The following L3MBTL4 variants were observed in gnomAD, a reference collection of about 807,000 sequenced individuals.
L3MBTL4 encodes L3MBTL histone methyl-lysine binding protein 4, also known as lethal(3)malignant brain tumor-like protein 4.
In L3MBTL4, 70 loss-of-function variants were observed where a neutral mutation model predicts 84.5. The ratio of observed to expected loss-of-function variants is 0.83; its 90% CI spans 0.68 to 1.01. L3MBTL4 has a LOEUF of 1.01. Among genes scored for constraint, L3MBTL4 ranks in the 50% least tolerant of loss-of-function variants. The pLI is 0.00. For missense variants in L3MBTL4, 715 were observed against 754.8 expected, an observed-to-expected ratio of 0.95 and a Z score of 0.62; for synonymous variants, 274 against 259.8, an observed-to-expected ratio of 1.05 and a Z score of -0.52.
At chr18:5,978,327 C>T (rs989106102) in intron 16 of L3MBTL4, among the ~76,000 whole-genome samples, 1 of 152,298 alleles carries the variant, frequency 6.6e-6, no homozygotes, top group South Asian at 2.1e-4. Context: ...ATAGGTTAGT[C>T]ATCCAATACA....
intron 16 of L3MBTL4, among the ~76,000 whole-genome samples, chr18:6,072,590 C>T (rs1205455507): frequency 6.6e-6 from 1 of 151,206 alleles, no homozygotes; most frequent in Non-Finnish European, 1.5e-5. Flanking sequence ...CTTGTAATCC[C>T]AGCACTCTGG....
At chr18:6,001,294 G>A (rs1046214604) in intron 16 of L3MBTL4, among the ~76,000 whole-genome samples, 14 of 152,308 alleles carry the variant, frequency 9.2e-5, no homozygotes, top group Admixed American at 7.2e-4. Context: ...CTTCTGGGGA[G>A]CCAAACATTT....
chr18:6,412,229 C>T (rs923444142), intron 1 of L3MBTL4, among the ~76,000 whole-genome samples: 2 of 152,084 alleles, frequency 1.3e-5, no homozygotes, highest in African/African-American at 2.4e-5. Context: ...TAAGTGAGAA[C>T]GTGCAGTCTT....
intron 16 of L3MBTL4, among the ~76,000 whole-genome samples, chr18:6,007,090 C>T (rs975196086): frequency 2.0e-5 from 3 of 152,008 alleles, no homozygotes; most frequent in African/African-American, 7.2e-5. Flanking sequence ...ACAAGGGCAA[C>T]TGAAGCCTAA....
intron 3 of L3MBTL4, among the ~76,000 whole-genome samples, chr18:6,306,343 T>C (rs905280601): frequency 6.6e-5 from 10 of 152,194 alleles, no homozygotes; most frequent in Non-Finnish European, 1.5e-4. Context: ...TACTTGATAA[T>C]ATAGCTACAG....
At chr18:6,327,945 G>C (rs1035507776) in intron 1 of L3MBTL4, among the ~76,000 whole-genome samples, 6 of 152,140 alleles carry the variant, frequency 3.9e-5, no homozygotes, top group Non-Finnish European at 7.4e-5. Context: ...GCAATCATTT[G>C]CTCAGAACCT....
rs201899062 is a variant in L3MBTL4 at position 6,263,971 on chromosome 18, T to G, written c.195A>C (p.Ala65=). The G allele has an allele frequency of 1.5e-5, 25 of 1,613,882 alleles. No homozygotes were observed. In the South Asian group the frequency reaches 2.6e-4, roughly 17 times the overall value. The change falls in exon 5 of 19, where the codon GCA becomes GCC. Residue 65 remains alanine, a synonymous_variant. Coordinates refer to ENST00000317931, the MANE Select transcript of L3MBTL4 (RefSeq NM_001330559.2). ...CCTTGGAAAACAGCTCAACAGGTGC[T>G]GCGACAGCCTTCTGTTCTTTCAAGT... ...EWYLKEQKAV[A]APVELFSKDQ...
At chr18:6,261,976 G>A (rs1242794289) in intron 5 of L3MBTL4, among the ~76,000 whole-genome samples, 1 of 152,108 alleles carries the variant, frequency 6.6e-6, no homozygotes, top group South Asian at 2.1e-4. Context: ...AGAGTGGGGG[G>A]GTGGGGTGTA....
intron 1 of L3MBTL4, among the ~76,000 whole-genome samples, chr18:6,412,905 T>A (rs2056027858): frequency 6.6e-6 from 1 of 151,358 alleles, no homozygotes; most frequent in Non-Finnish European, 1.5e-5. Flanking sequence ...GAAAGTTAAA[T>A]GAGTTTCCGT....
chr18:6,164,087 C>T (rs886219945), intron 13 of L3MBTL4, among the ~76,000 whole-genome samples: 1 of 152,216 alleles, frequency 6.6e-6, no homozygotes, highest in Non-Finnish European at 1.5e-5. Context: ...TCATTGCTAG[C>T]ACAGCAGTCT....
intron 4 of L3MBTL4, among the ~76,000 whole-genome samples, chr18:6,299,690 T>C (rs969886230): frequency 2.6e-5 from 4 of 152,142 alleles, no homozygotes; most frequent in African/African-American, 7.2e-5. Flanking sequence ...TTTTTTTATA[T>C]ACAGGGTCTC....
At chr18:6,024,535 A>G (rs2055416924) in intron 16 of L3MBTL4, among the ~76,000 whole-genome samples, 1 of 152,208 alleles carries the variant, frequency 6.6e-6, no homozygotes, top group African/African-American at 2.4e-5. Flanking sequence ...TATAGTCACT[A>G]AAGCCCACAA....
intron 18 of L3MBTL4, among the ~76,000 whole-genome samples, chr18:5,958,160 CAA>C (rs2095243678): frequency 1.1e-4 from 6 of 55,474 alleles, no homozygotes; most frequent in African/African-American, 3.4e-4. Context: ...AGAAGAAGAA[CAA>C]GAAGAAGAAG....
intron 13 of L3MBTL4, among the ~76,000 whole-genome samples, chr18:6,138,807 C>T (rs1235787986): frequency 6.6e-6 from 1 of 152,176 alleles, no homozygotes; most frequent in African/African-American, 2.4e-5. Flanking sequence ...CCACCTCAGC[C>T]TCCCAAAGTA....
chr18:6,349,289 C>T (rs1396174624), intron 1 of L3MBTL4, among the ~76,000 whole-genome samples: 1 of 152,178 alleles, frequency 6.6e-6, no homozygotes, highest in African/African-American at 2.4e-5. Context: ...ATAATCAAAA[C>T]ATCCATTTAT....
chr18:6,185,328 C>T (rs1344619560), intron 12 of L3MBTL4, among the ~76,000 whole-genome samples: 1 of 152,210 alleles, frequency 6.6e-6, no homozygotes, highest in African/African-American at 2.4e-5. Flanking sequence ...CTCCCTTCTC[C>T]CCTCCAGATC....
At chr18:6,247,642 C>G (rs1012163904) in intron 5 of L3MBTL4, among the ~76,000 whole-genome samples, 117 of 143,916 alleles carry the variant, frequency 8.1e-4, no homozygotes, top group African/African-American at 3.1e-3. Context: ...CCATGCCCGG[C>G]TAATTTTTTT....
chr18:6,110,364 G>C (rs2059152646), intron 14 of L3MBTL4, among the ~76,000 whole-genome samples: 1 of 152,082 alleles, frequency 6.6e-6, no homozygotes, highest in Non-Finnish European at 1.5e-5. Context: ...GTGTGTGCGT[G>C]CATGTCAGTG....
intron 16 of L3MBTL4, among the ~76,000 whole-genome samples, chr18:6,063,967 T>A (rs530308048): frequency 6.6e-6 from 1 of 152,126 alleles, no homozygotes; most frequent in Non-Finnish European, 1.5e-5. Context: ...CAAAGTTATC[T>A]TCTATAATTT....
Sources: allele counts gnomAD v4.1 joint callset (sites outside exome capture counted in the v4.1 genomes callset), GRCh38; gene constraint gnomAD v4.1.1; transcripts MANE v1.5; gene names NCBI Gene and HGNC (gene_info 2026-07-23, HGNC 2026-07-21).